The following SMCHD1 variants were observed in gnomAD, a reference collection of about 807,000 sequenced individuals.
The protein encoded by SMCHD1 is structural maintenance of chromosomes flexible hinge domain-containing protein 1.
Under a neutral mutation model 254.7 loss-of-function variants are expected in SMCHD1, and 78 were observed. The observed-to-expected ratio is 0.31, with a 90% CI of 0.26 to 0.37. The LOEUF (loss-of-function observed/expected upper bound fraction) is 0.37. Among genes scored for constraint, SMCHD1 ranks in the 10% least tolerant of loss-of-function variants. The pLI is 1.00. For missense variants in SMCHD1, 1,840 were observed against 2,408.1 expected, an observed-to-expected ratio of 0.76 and a Z score of 4.94; for synonymous variants, 766 against 794.9, an observed-to-expected ratio of 0.96 and a Z score of 0.61.
At chr18:2,797,768 T>G (rs2076288475) in intron 47 of SMCHD1, among the ~76,000 whole-genome samples, 1 of 151,986 alleles carries the variant, frequency 6.6e-6, no homozygotes, top group Non-Finnish European at 1.5e-5. Flanking sequence ...CTACTAAAAA[T>G]AAGCCAGTCA....
chr18:2,741,081 A>G (rs1433250681), intron 28 of SMCHD1, among the ~76,000 whole-genome samples: 1 of 152,198 alleles, frequency 6.6e-6, no homozygotes, highest in East Asian at 1.9e-4. Flanking sequence ...TCCAGACATC[A>G]TACCATTTTA....
intron 41 of SMCHD1, among the ~76,000 whole-genome samples, chr18:2,775,031 C>T (rs2076043069): frequency 6.7e-6 from 1 of 149,998 alleles, no homozygotes; most frequent in South Asian, 2.1e-4. Flanking sequence ...TTCTAAGCTC[C>T]AAAGCATTGT....
At position 2,698,056 on chromosome 18, in the gene SMCHD1, T is replaced by G; in HGVS notation, c.1342+15T>G. ...CTTTCCATCAAGTATGTTAATCTGTTATCTTAGTTATAAAATATGAAGTTG... is the reference window on the plus strand; with the variant it reads ...CTTTCCATCAAGTATGTTAATCTGTGATCTTAGTTATAAAATATGAAGTTG... On this transcript the variant is annotated intron_variant, in intron 10 of 47. Coordinates refer to ENST00000320876, the MANE Select transcript of SMCHD1 (RefSeq NM_015295.3). 6.4e-7 allele frequency: 1 copy of G among 1,566,338 alleles called. No homozygotes were observed. The highest frequency in any genetic ancestry group is 1.4e-5 in the African/African-American group (1 of 73,994).
At chr18:2,712,009 T>C (rs974472916) in intron 17 of SMCHD1, among the ~76,000 whole-genome samples, 7 of 152,188 alleles carry the variant, frequency 4.6e-5, no homozygotes, top group African/African-American at 1.7e-4. Flanking sequence ...GGAAGCAGCC[T>C]GAGGCTTTCA....
intron 45 of SMCHD1, among the ~76,000 whole-genome samples, chr18:2,787,894 TA>T (rs2076264472): frequency 6.6e-6 from 1 of 152,198 alleles, no homozygotes; most frequent in African/African-American, 2.4e-5. Context: ...ATCACAGATT[TA>T]AAGGAGATGG....
Position 2,708,907 on chromosome 18 carries a change from T to TATAAA in SMCHD1, c.2260+988_2260+989insTAAAA, listed in dbSNP as rs769432583. 2.0e-3 allele frequency among the ~76,000 whole-genome samples: 90 copies of TATAAA among 44,702 alleles called. 5 individuals carry two copies. Among genetic ancestry groups the TATAAA allele is most frequent in the African/African-American group, 5.7e-3 (68 of 11,888 alleles). The allele number at this position is 44,702 out of a possible 152,430, so 29.3% of individuals were successfully genotyped here. ...ATATATATATATATATATATATATA[T>TATAAA]AACATATTAACATGAAATTTATGAA... On this transcript the variant is annotated intron_variant, in intron 17 of 47. Coordinates refer to ENST00000320876, the MANE Select transcript of SMCHD1 (RefSeq NM_015295.3).
intron 15 of SMCHD1, 82 bp downstream of exon 15, chr18:2,706,552 ACTCTG>A (rs2074518905): frequency 3.1e-6 from 3 of 959,184 alleles, no homozygotes; most frequent in Non-Finnish European, 4.8e-6. Context: ...TATGTCATTT[ACTCTG>A]CTGTTAGGGC....
rs1226880314 is a variant in SMCHD1, at chr18:2,718,753, A to G, written c.2458+319A>G. 2.6e-5 allele frequency among the ~76,000 whole-genome samples: 4 copies of G among 152,058 alleles called. No homozygotes were observed. The highest frequency in any genetic ancestry group is 5.9e-5 in the Non-Finnish European group (4 of 68,008). ...TTTTTAGTAAAGACAAAGTTTCGCCATGTTGACTAGGCTGGTCTCGATCTC... is the reference window on the plus strand; with the variant it reads ...TTTTTAGTAAAGACAAAGTTTCGCCGTGTTGACTAGGCTGGTCTCGATCTC... On this transcript the variant is annotated intron_variant, in intron 19 of 47. Transcript: ENST00000320876. The surrounding 1 kb of genome is among the most constrained non-coding windows in gnomAD (Gnocchi z 4.6).
Position 2,655,955 on chromosome 18 carries a change from G to T in SMCHD1, c.-121G>T. 2.8e-6 allele frequency: 2 copies of T among 717,774 alleles called. No homozygotes were observed. Among genetic ancestry groups the T allele is most frequent in the Non-Finnish European group, 3.8e-6 (2 of 520,208 alleles). The allele number at this position is 717,774 out of a possible 1,614,324, so 44.5% of individuals were successfully genotyped here. A position where few individuals can be genotyped will look rare whatever the true frequency, so the allele number is the denominator to read the frequency against. ...GCCGCCGCTGACGAGGAGCTGCAGCGCGCCGGGCCGAGGCCTCGAGCCGCC... is the reference window on the plus strand; with the variant it reads ...GCCGCCGCTGACGAGGAGCTGCAGCTCGCCGGGCCGAGGCCTCGAGCCGCC... On this transcript the variant is annotated 5_prime_UTR_variant, in exon 1 of 48. Transcript: ENST00000320876.
Position 2,666,079 on chromosome 18 carries a change from T to C in SMCHD1, c.187-78T>C, listed in dbSNP as rs1309369704. ...ACAGAATTATAATGTACTATCAATA[T>C]TTTCATATTTTTATAAATTTGAATA... On this transcript the variant is annotated intron_variant, in intron 1 of 47. Transcript: ENST00000320876. 7.3e-6 allele frequency: 5 copies of C among 680,404 alleles called. No individual in the cohort carries two copies. In the Admixed American group the frequency reaches 1.5e-4, roughly 20 times the overall value. 42.1% of individuals were successfully genotyped at this position (680,404 alleles called of 1,614,324 possible). A position where few individuals can be genotyped will look rare whatever the true frequency, so the allele number is the denominator to read the frequency against.
At chr18:2,796,211 A>C (rs929905205) in intron 46 of SMCHD1, 104 bp downstream of exon 46, 14 of 1,131,974 alleles carry the variant, frequency 1.2e-5, no homozygotes, top group Non-Finnish European at 1.7e-5. Context: ...AATGATTCAG[A>C]ACTTAACAAA....
intron 36 of SMCHD1, among the ~76,000 whole-genome samples, chr18:2,763,193 A>G (rs909598122): frequency 1.3e-5 from 2 of 152,140 alleles, no homozygotes; most frequent in African/African-American, 4.8e-5. Flanking sequence ...CCATAGAATT[A>G]CTCCAAGGGT....
chr18:2,679,167 C>T (rs1358700846), intron 5 of SMCHD1, among the ~76,000 whole-genome samples: 3 of 146,964 alleles, frequency 2.0e-5, no homozygotes, highest in African/African-American at 7.4e-5. Context: ...TTTTTGAAGG[C>T]TACTTGTGCT....
intron 5 of SMCHD1, among the ~76,000 whole-genome samples, chr18:2,679,131 C>T (rs1222481664): frequency 6.8e-6 from 1 of 146,706 alleles, no homozygotes; most frequent in Non-Finnish European, 1.5e-5. Context: ...CAAGTGTGAG[C>T]CACCGCACCC....
At position 2,750,450 on chromosome 18, in the gene SMCHD1, C is replaced by A; in HGVS notation, c.4108C>A (p.Arg1370Ser). The change falls in exon 32 of 48, where the codon CGT (arginine) becomes AGT (serine). Residue 1370 changes from arginine (R) to serine (S), a missense_variant. Around this residue, in one of 9 missense-constraint regions of SMCHD1, gnomAD observed 881 missense variants for 1,009.5 expected, o/e 0.87. Transcript: ENST00000320876. Reference protein sequence around the residue: ...MILPDPEKPVRLNVKYDKDAS... With the variant: ...MILPDPEKPVSLNVKYDKDAS... ...TCTTCCAGACCCAGAAAAACCCGTTCGTCTCAATGTTAAATATGACAAAGA... is the reference window on the plus strand; with the variant it reads ...TCTTCCAGACCCAGAAAAACCCGTTAGTCTCAATGTTAAATATGACAAAGA... 4 of 1,610,970 alleles carry A rather than the reference C, an allele frequency of 2.5e-6. No individual in the cohort carries two copies. In the South Asian group the frequency reaches 3.3e-5, roughly 13 times the overall value.
chr18:2,669,591 A>G (rs2073539469), intron 3 of SMCHD1, among the ~76,000 whole-genome samples: 1 of 152,124 alleles, frequency 6.6e-6, no homozygotes, highest in African/African-American at 2.4e-5. Context: ...TTACTTCCTC[A>G]CTTGGTGATC....
chr18:2,747,665 T>C lies in SMCHD1; in HGVS notation c.3927+18T>C. 1 of 1,513,968 alleles carries C rather than the reference T, an allele frequency of 6.6e-7. No individual in the cohort carries two copies. The highest frequency in any genetic ancestry group is 8.9e-7 in the Non-Finnish European group (1 of 1,122,088). 93.8% of individuals were successfully genotyped at this position (1,513,968 alleles called of 1,614,324 possible). A position where few individuals can be genotyped will look rare whatever the true frequency, so the allele number is the denominator to read the frequency against. ...ATTTAAAGGTAAGTTTTAAACTTCC[T>C]TACATCTTCATTTAAAATTCTGGAT... is the stretch of plus-strand genomic sequence containing the variant. On this transcript the variant is annotated intron_variant, in intron 30 of 47. Coordinates refer to ENST00000320876, the MANE Select transcript of SMCHD1 (RefSeq NM_015295.3).
At chr18:2,754,962 C>T (rs2075646029) in intron 34 of SMCHD1, among the ~76,000 whole-genome samples, 1 of 151,840 alleles carries the variant, frequency 6.6e-6, no homozygotes, top group Admixed American at 6.6e-5. Flanking sequence ...TTTTTATTTT[C>T]TGTTGTTTTT....
At chr18:2,756,210 G>A (rs949372343) in intron 34 of SMCHD1, among the ~76,000 whole-genome samples, 8 of 152,092 alleles carry the variant, frequency 5.3e-5, no homozygotes, top group African/African-American at 1.9e-4. Context: ...GCAATTACTG[G>A]AATAAACCCA....
Sources: gnomAD v4.1 joint callset for allele counts (sites outside exome capture counted in the v4.1 genomes callset) on GRCh38, gnomAD v4.1.1 for gene constraint, gnomAD v4.1.1 regional missense constraint, Gnocchi (gnomAD v3.1) non-coding constraint, MANE v1.5 for transcripts, NCBI Gene and HGNC (gene_info 2026-07-23, HGNC 2026-07-21) for gene names.